ERCC6L2: variants seen among roughly 807,000 people sequenced by gnomAD.
The protein encoded by ERCC6L2 is DNA excision repair protein ERCC-6-like 2.
A neutral mutation model predicts 132.0 loss-of-function variants in ERCC6L2; 77 were observed. That is an observed-to-expected ratio of 0.58 (90% CI 0.49 to 0.71). ERCC6L2 has a LOEUF of 0.71. ERCC6L2 is among the 30% of genes least tolerant of loss of function. The pLI is 0.00. For synonymous variants in ERCC6L2, 583 were observed against 632.4 expected (o/e 0.92, Z 1.17); for missense variants, 1,542 against 1,837.6 (o/e 0.84, Z 2.94).
chr9:95,961,213 G>GCGATCACACTGGATGAGAGTGGT (rs1831885286), intron 13 of ERCC6L2, among the ~76,000 whole-genome samples: 1 of 152,130 alleles, frequency 6.6e-6, no homozygotes, highest in Non-Finnish European at 1.5e-5. Flanking sequence ...AGGTTAAGAT[G>GCGATCACACTGGATGAGAGTGGT]CGATCACACT....
chr9:96,009,252 C>G (rs574970707), intron 18 of ERCC6L2, among the ~76,000 whole-genome samples: 1 of 152,318 alleles, frequency 6.6e-6, no homozygotes, highest in African/African-American at 2.4e-5. Context: ...GTGGCATGTT[C>G]AAGTGTTTCA....
chr9:95,945,476 T>C (rs983448178), intron 12 of ERCC6L2, among the ~76,000 whole-genome samples: 10 of 152,210 alleles, frequency 6.6e-5, no homozygotes, highest in African/African-American at 2.2e-4. Context: ...CCTCAGCTTA[T>C]GAAGATGATG....
At chr9:95,906,636 A>G (rs1829050643) in intron 3 of ERCC6L2, 2 of 456,692 alleles carry the variant, frequency 4.4e-6, no homozygotes, top group Non-Finnish European at 8.8e-6. Context: ...GGGGGAGCGG[A>G]AATGGGCTAG....
Position 95,897,981 on chromosome 9 carries a change from C to G in ERCC6L2, c.594+10C>G. On this transcript the variant is annotated intron_variant, in intron 3 of 18. Transcript: ENST00000653738. ...TTCTACAGCAAAAAAGGTAAAATCT[C>G]TAGACAATGTATATTCTACTCATGA... 6.2e-7 allele frequency: 1 copy of G among 1,600,614 alleles called. No homozygotes were observed. The highest frequency in any genetic ancestry group is 8.5e-7 in the Non-Finnish European group (1 of 1,174,690).
intron 9 of ERCC6L2, among the ~76,000 whole-genome samples, chr9:95,925,868 G>C (rs1830078228): frequency 6.6e-6 from 1 of 152,080 alleles, no homozygotes; most frequent in Non-Finnish European, 1.5e-5. Context: ...AAATATACAG[G>C]TAACTCTTAA....
chr9:95,959,212 C>G (rs1831776584), intron 13 of ERCC6L2, among the ~76,000 whole-genome samples: 1 of 148,396 alleles, frequency 6.7e-6, no homozygotes, highest in Non-Finnish European at 1.5e-5. Flanking sequence ...ACAGAGCCCT[C>G]AGAAATAACG....
intron 17 of ERCC6L2, among the ~76,000 whole-genome samples, chr9:95,989,907 T>G (rs1162743118): frequency 6.6e-6 from 1 of 152,208 alleles, no homozygotes; most frequent in Non-Finnish European, 1.5e-5. Context: ...AGGACAGTGT[T>G]GGGCAAGAAG....
intron 17 of ERCC6L2, among the ~76,000 whole-genome samples, chr9:95,981,263 A>T (rs889436343): frequency 6.6e-6 from 1 of 152,170 alleles, no homozygotes; most frequent in Non-Finnish European, 1.5e-5. Context: ...TTTTCCATAT[A>T]CAGTAATTAT....
downstream of ERCC6L2, chr9:96,021,376 C>G (rs541625075): frequency 3.3e-4 from 99 of 304,476 alleles, no homozygotes; most frequent in African/African-American, 2.2e-3. The surrounding 1 kb of genome is among the most constrained non-coding windows in gnomAD (Gnocchi z 4.7). Flanking sequence ...CTCGGGGAAG[C>G]CCAGTCCCTC....
intron 11 of ERCC6L2, among the ~76,000 whole-genome samples, chr9:95,932,725 T>C (rs895774313): frequency 6.6e-6 from 1 of 152,206 alleles, no homozygotes; most frequent in African/African-American, 2.4e-5. Context: ...ATCAAAGACA[T>C]GTTTGTAGAA....
At chr9:96,033,146 C>G (rs1834481093) in intron 19 of ERCC6L2, among the ~76,000 whole-genome samples, 1 of 152,102 alleles carries the variant, frequency 6.6e-6, no homozygotes, top group African/African-American at 2.4e-5. Flanking sequence ...AAATATGAAC[C>G]ACAAGAAATT....
At chr9:95,960,449 C>A (rs895454081) in intron 13 of ERCC6L2, among the ~76,000 whole-genome samples, 1 of 152,060 alleles carries the variant, frequency 6.6e-6, no homozygotes, top group Non-Finnish European at 1.5e-5. Context: ...TCTTGAGATT[C>A]GGGGATTATC....
At chr9:96,034,063 C>G (rs538722207) in intron 19 of ERCC6L2, among the ~76,000 whole-genome samples, 126 of 152,374 alleles carry the variant, frequency 8.3e-4, no homozygotes, top group Non-Finnish European at 1.4e-3. Context: ...CATCAGAAAC[C>G]TGGCCATTCT....
intron 12 of ERCC6L2, among the ~76,000 whole-genome samples, chr9:95,943,148 C>T (rs994310775): frequency 6.6e-6 from 1 of 152,022 alleles, no homozygotes; most frequent in South Asian, 2.1e-4. Flanking sequence ...GGGAGTGTGG[C>T]TGATAGGCTT....
chr9:95,888,866 C>T (rs934579851), intron 2 of ERCC6L2, among the ~76,000 whole-genome samples: 7 of 152,146 alleles, frequency 4.6e-5, no homozygotes, highest in African/African-American at 1.7e-4. Context: ...TTGCTGCTAG[C>T]ATTACCACAA....
In ERCC6L2 at chr9:95,972,585, G is replaced by A; in HGVS notation, c.2834G>A (p.Ser945Asn). ...GTAAAAACAAGAAATAATGATAATA[G>A]TCGAAACACTGATGACAAAAGAAAT... ...HTVKTRNNDN[S>N]RNTDDKRNGI... The change falls in exon 16 of 19, where the codon AGT becomes AAT. Residue 945 changes from serine (S) to asparagine (N), a missense_variant. Around this residue, in one of 4 missense-constraint regions of ERCC6L2, gnomAD observed 945 missense variants for 1,105.2 expected, o/e 0.86. Transcript: ENST00000653738. 7.8e-7 allele frequency: 1 copy of A among 1,289,648 alleles called. No homozygotes were observed. The highest frequency in any genetic ancestry group is 1.0e-6 in the Non-Finnish European group (1 of 988,762). 79.9% of individuals were successfully genotyped at this position (1,289,648 alleles called of 1,614,324 possible).
At chr9:95,897,267 A>G (rs746915716) in intron 2 of ERCC6L2, among the ~76,000 whole-genome samples, 5 of 152,174 alleles carry the variant, frequency 3.3e-5, no homozygotes, top group African/African-American at 4.8e-5. Flanking sequence ...AGTCAAATCA[A>G]TTTAGTATTT....
intron 13 of ERCC6L2, among the ~76,000 whole-genome samples, chr9:95,959,359 C>A (rs62562987): frequency 0.095 from 14,406 of 151,680 alleles, 764 homozygotes; most frequent in Admixed American, 0.14. Flanking sequence ...CCCTTCCTTA[C>A]ACCTTATACA....
chr9:95,875,749 C>T lies in ERCC6L2; in HGVS notation c.-290C>T. ...GCCTCCTGTCCTCCTCCGGCGGCGG[C>T]GGAGCCCGAGAGAACTAGGTGAACA... On this transcript the variant is annotated 5_prime_UTR_variant, in exon 1 of 19. Coordinates refer to ENST00000653738, the MANE Select transcript of ERCC6L2 (RefSeq NM_020207.7). The T allele has an allele frequency of 4.3e-6, 2 of 465,884 alleles. No homozygotes were observed. The highest frequency in any genetic ancestry group is 2.0e-5 in the African/African-American group (1 of 50,772). 28.9% of individuals were successfully genotyped at this position (465,884 alleles called of 1,614,324 possible).
Sources: gnomAD v4.1 joint callset for allele counts (sites outside exome capture counted in the v4.1 genomes callset) on GRCh38, gnomAD v4.1.1 for gene constraint, gnomAD v4.1.1 regional missense constraint, Gnocchi (gnomAD v3.1) non-coding constraint, MANE v1.5 for transcripts, NCBI Gene and HGNC (gene_info 2026-07-23, HGNC 2026-07-21) for gene names.